ATP6V0A1: variants seen among roughly 807,000 people sequenced by gnomAD.
ATP6V0A1 encodes V-type proton ATPase 116 kDa subunit a 1.
A neutral mutation model predicts 105.4 loss-of-function variants in ATP6V0A1; 43 were observed. That is an observed-to-expected ratio of 0.41 (90% confidence interval 0.32 to 0.53). The LOEUF (loss-of-function observed/expected upper bound fraction) is 0.53. ATP6V0A1 is among the 20% of genes least tolerant of loss of function. The pLI, the probability that ATP6V0A1 is intolerant of heterozygous loss-of-function variation, is 0.30. For missense variants in ATP6V0A1, 676 were observed against 1,051.1 expected, an observed-to-expected ratio of 0.64 and a Z score of 4.93; for synonymous variants, 362 against 372.8, an observed-to-expected ratio of 0.97 and a Z score of 0.33.
chr17:42,503,310 T>C lies in ATP6V0A1; in HGVS notation c.2004+2006T>C, dbSNP rs186136870. Among the ~76,000 whole-genome samples, 97 of 152,362 alleles carry C rather than the reference T, an allele frequency of 6.4e-4. No homozygotes were observed. The Middle Eastern group carries it at 0.01, about 16-fold the overall frequency. ...TACTTTAGAGTGATGCTTGGACATT[T>C]GATCTTTTTTAGTAGTAACTTACCT... On this transcript the variant is annotated intron_variant, in intron 17 of 21. Transcript: ENST00000343619.
At chr17:42,496,547 A>C (rs954145320) in intron 14 of ATP6V0A1, 1 of 152,124 alleles carries the variant, frequency 6.6e-6, no homozygotes, top group Non-Finnish European at 1.5e-5. Context: ...GAGGAAAAAA[A>C]AAAATAATAC....
chr17:42,491,041 T>C (rs1192010916), intron 11 of ATP6V0A1, among the ~76,000 whole-genome samples: 1 of 151,926 alleles, frequency 6.6e-6, no homozygotes, highest in African/African-American at 2.4e-5. Context: ...TAAAATTTTT[T>C]TAGAGATGGG....
intron 10 of ATP6V0A1, 99 bp from the exon 11 acceptor site, chr17:42,490,388 G>T (rs557908836): frequency 1.9e-6 from 2 of 1,039,252 alleles, no homozygotes; most frequent in East Asian, 5.7e-5. Context: ...TACATTTTAT[G>T]TGTACCATTT....
At chr17:42,495,798 T>G in intron 14 of ATP6V0A1, 82 bp downstream of exon 14, 1 of 1,242,958 alleles carries the variant, frequency 8.0e-7, no homozygotes, top group Non-Finnish European at 1.2e-6. Flanking sequence ...TGAAGATAAA[T>G]AGTTATGTGG....
chr17:42,491,830 G>T (rs966355542), intron 11 of ATP6V0A1, among the ~76,000 whole-genome samples: 1 of 151,900 alleles, frequency 6.6e-6, no homozygotes, highest in African/African-American at 2.4e-5. Flanking sequence ...TGTTAGCCAG[G>T]ATGGTCTCGA....
chr17:42,495,592 C>A (rs980458820), intron 13 of ATP6V0A1, 34 bp from the exon 14 acceptor site: 1 of 1,541,764 alleles, frequency 6.5e-7, no homozygotes, highest in Non-Finnish European at 9.0e-7. Context: ...CTCTCTTGTT[C>A]AAAAATAATG....
chr17:42,502,206 C>T (rs559723999), intron 17 of ATP6V0A1, among the ~76,000 whole-genome samples: 2 of 152,292 alleles, frequency 1.3e-5, no homozygotes, highest in Admixed American at 6.5e-5. Context: ...CTTTTGCTCA[C>T]GCTGCGCTCA....
At chr17:42,489,133 C>T (rs2090394504) in intron 10 of ATP6V0A1, among the ~76,000 whole-genome samples, 2 of 148,580 alleles carry the variant, frequency 1.3e-5, no homozygotes, top group South Asian at 4.3e-4. Flanking sequence ...AGTGCAGTGG[C>T]ATGATCTCGG....
At chr17:42,476,498 T>C (rs2088765868) in intron 5 of ATP6V0A1, among the ~76,000 whole-genome samples, 1 of 152,216 alleles carries the variant, frequency 6.6e-6, no homozygotes, top group Non-Finnish European at 1.5e-5. Context: ...ATGATTGTTC[T>C]GGTTTACTCC....
chr17:42,513,995 G>C lies in ATP6V0A1; in HGVS notation c.2248+17G>C, dbSNP rs754248367. On this transcript the variant is annotated intron_variant, in intron 20 of 21. Transcript: ENST00000343619. ...CTCATGCGCGTGAGTACCTCTCTCC[G>C]GGCTCCGGAACTCTAGTTTCCCCCT... 1 of 1,607,750 alleles carries C rather than the reference G, an allele frequency of 6.2e-7. No individual in the cohort carries two copies. Among genetic ancestry groups the C allele is most frequent in the South Asian group, 1.1e-5 (1 of 90,916 alleles).
chr17:42,483,020 G>C lies in ATP6V0A1; in HGVS notation c.717-18G>C. 7.0e-7 allele frequency: 1 copy of C among 1,424,666 alleles called. No homozygotes were observed. Among genetic ancestry groups the C allele is most frequent in the Non-Finnish European group, 9.3e-7 (1 of 1,072,366 alleles). The allele number at this position is 1,424,666 out of a possible 1,614,324, so 88.3% of individuals were successfully genotyped here. On this transcript the variant is annotated intron_variant, in intron 8 of 21. Transcript: ENST00000343619. ...TAAATTAGATAAGTTAAGAAACTTCGATGTTCTTATATTCCAGGTTCCGAG... is the reference window on the plus strand; with the variant it reads ...TAAATTAGATAAGTTAAGAAACTTCCATGTTCTTATATTCCAGGTTCCGAG...
chr17:42,461,032 G>A (rs367652271), intron 2 of ATP6V0A1, 21 bp downstream of exon 2: 84 of 1,583,548 alleles, frequency 5.3e-5, no homozygotes, highest in Non-Finnish European at 6.8e-5. Flanking sequence ...GTGGGGCTGC[G>A]ACTTGATTAC....
At chr17:42,488,114 G>A (rs1225704071) in intron 10 of ATP6V0A1, among the ~76,000 whole-genome samples, 2 of 152,196 alleles carry the variant, frequency 1.3e-5, no homozygotes, top group Non-Finnish European at 2.9e-5. Flanking sequence ...ACATGCCCTC[G>A]AGTATCTTAC....
intron 10 of ATP6V0A1, among the ~76,000 whole-genome samples, chr17:42,488,271 A>G (rs2090302825): frequency 6.6e-6 from 1 of 152,220 alleles, no homozygotes. Context: ...TAGACCATGT[A>G]TGTTTGGACA....
At chr17:42,515,690 A>C (rs2092593617) in intron 21 of ATP6V0A1, among the ~76,000 whole-genome samples, 1 of 151,948 alleles carries the variant, frequency 6.6e-6, no homozygotes, top group African/African-American at 2.4e-5. Flanking sequence ...TGGGAGGCTG[A>C]GGCAGGAGAA....
At chr17:42,465,490 A>G (rs1478503607) in intron 2 of ATP6V0A1, among the ~76,000 whole-genome samples, 1 of 151,410 alleles carries the variant, frequency 6.6e-6, no homozygotes, top group Non-Finnish European at 1.5e-5. Flanking sequence ...GAGTTTCGCC[A>G]TGTTGGCCAG....
At chr17:42,513,164 T>A (rs550887630) in intron 19 of ATP6V0A1, among the ~76,000 whole-genome samples, 2 of 152,210 alleles carry the variant, frequency 1.3e-5, no homozygotes, top group Non-Finnish European at 2.9e-5. Flanking sequence ...ACTGGAGATA[T>A]GCTATTTAGT....
chr17:42,507,173 C>T (rs754074905), intron 17 of ATP6V0A1, among the ~76,000 whole-genome samples: 2 of 152,170 alleles, frequency 1.3e-5, no homozygotes, highest in Admixed American at 6.5e-5. Flanking sequence ...ACAGATAGAG[C>T]TGTACTTGTT....
At chr17:42,496,686 C>T (rs1422507602) in intron 14 of ATP6V0A1, 2 of 152,006 alleles carry the variant, frequency 1.3e-5, no homozygotes, top group Non-Finnish European at 2.9e-5. Context: ...ACTAAAAATA[C>T]AGAAATTAGC....
Sources: allele counts gnomAD v4.1 joint callset (sites outside exome capture counted in the v4.1 genomes callset), GRCh38; gene constraint gnomAD v4.1.1; transcripts MANE v1.5; gene names NCBI Gene and HGNC (gene_info 2026-07-23, HGNC 2026-07-21).